Variants in ARHGEF33 observed in about 807,000 individuals in gnomAD.
ARHGEF33 encodes the protein DH and coiled-coil domain-containing protein ENSP00000381780.
Under a neutral mutation model 101.9 loss-of-function variants are expected in ARHGEF33, and 72 were observed. The observed-to-expected ratio is 0.71, with a 90% CI of 0.58 to 0.86. The LOEUF (loss-of-function observed/expected upper bound fraction) is 0.86. Ranked by LOEUF, ARHGEF33 falls within the 40% of genes least tolerant of loss-of-function variation. The probability of loss-of-function intolerance (pLI) is 0.00; values close to 1 mark genes in which losing one functional copy is unlikely to be tolerated. For missense variants in ARHGEF33, 1,169 were observed against 1,111.3 expected, an observed-to-expected ratio of 1.05 and a Z score of -0.74; for synonymous variants, 499 against 442.5, an observed-to-expected ratio of 1.13 and a Z score of -1.60.
intron 2 of ARHGEF33, among the ~76,000 whole-genome samples, chr2:38,918,259 C>T (rs1041768498): frequency 2.6e-5 from 4 of 152,206 alleles, no homozygotes; most frequent in African/African-American, 9.7e-5. Context: ...CCACTACCCT[C>T]GCTGCCACTG....
chr2:38,898,016 A>T (rs1242171562), intron 2 of ARHGEF33, among the ~76,000 whole-genome samples: 1 of 152,198 alleles, frequency 6.6e-6, no homozygotes, highest in Non-Finnish European at 1.5e-5. Flanking sequence ...TTGGGTTAGG[A>T]CATTTGAACT....
chr2:38,922,579 G>T (rs907574043), intron 4 of ARHGEF33, among the ~76,000 whole-genome samples: 1 of 152,136 alleles, frequency 6.6e-6, no homozygotes, highest in Non-Finnish European at 1.5e-5. Flanking sequence ...GGGGGAAAGG[G>T]CCTCATTTCA....
Position 38,973,936 on chromosome 2 carries a change from A to C in ARHGEF33, c.*93A>C, listed in dbSNP as rs1421553372. ...AATATATATATATATCTATATCTAT[A>C]TATATATATATATCGATGTATAAAT... On this transcript the variant is annotated 3_prime_UTR_variant, in exon 18 of 18. Coordinates refer to ENST00000409978, the MANE Select transcript of ARHGEF33 (RefSeq NM_001145451.5). The C allele has an allele frequency of 7.3e-5, 49 of 671,804 alleles. No homozygotes were observed. The highest frequency in any genetic ancestry group is 4.8e-4 in the Middle Eastern group (1 of 2,062). The allele number at this position is 671,804 out of a possible 1,614,324, so 41.6% of individuals were successfully genotyped here.
At chr2:38,938,026 G>T (rs942458640) in intron 9 of ARHGEF33, among the ~76,000 whole-genome samples, 1 of 152,102 alleles carries the variant, frequency 6.6e-6, no homozygotes, top group Non-Finnish European at 1.5e-5. Flanking sequence ...TGGCTATTTG[G>T]GGGGAGGTAA....
chr2:38,952,321 A>G (rs1001468411), intron 11 of ARHGEF33, among the ~76,000 whole-genome samples: 1 of 152,236 alleles, frequency 6.6e-6, no homozygotes, highest in African/African-American at 2.4e-5. Context: ...TGTGTTCAGT[A>G]TGCTTCCTTT....
intron 9 of ARHGEF33, among the ~76,000 whole-genome samples, chr2:38,942,520 C>A (rs1054953942): frequency 7.0e-6 from 1 of 142,730 alleles, no homozygotes; most frequent in African/African-American, 2.6e-5. Context: ...ATCTTCTACC[C>A]TTTTAATTTT....
chr2:38,902,876 A>G (rs1317594281), intron 2 of ARHGEF33, among the ~76,000 whole-genome samples: 1 of 152,150 alleles, frequency 6.6e-6, no homozygotes, highest in East Asian at 1.9e-4. Flanking sequence ...GAGATAGGGT[A>G]TAGAGGCCAG....
In ARHGEF33 at chr2:38,960,571, G is replaced by T. The variant is rs1446180877; in HGVS notation, c.2266G>T (p.Ala756Ser). 2.3e-6 allele frequency: 3 copies of T among 1,282,966 alleles called. No individual in the cohort carries two copies. The allele number at this position is 1,282,966 out of a possible 1,614,324, so 79.5% of individuals were successfully genotyped here. Residue 756 changes from alanine (A) to serine (S), a missense_variant, in exon 16 of 18, where the codon GCC becomes TCC. Transcript: ENST00000409978. ...CGGCCCGGCCGCCGCCGCCGTCGCCGCCCGCGGCGCATCCAGGACCTTCTT... is the reference window on the plus strand; with the variant it reads ...CGGCCCGGCCGCCGCCGCCGTCGCCTCCCGCGGCGCATCCAGGACCTTCTT... ...AHGPAAAAVA[A>S]RGASRTFFPQ...
At chr2:38,912,898 G>T (rs906746775) in intron 2 of ARHGEF33, among the ~76,000 whole-genome samples, 1 of 152,076 alleles carries the variant, frequency 6.6e-6, no homozygotes, top group African/African-American at 2.4e-5. Flanking sequence ...ATCAATATGA[G>T]AACTTAATTA....
At position 38,963,712 on chromosome 2, in the gene ARHGEF33, A is replaced by G. The variant is rs78325228; in HGVS notation, c.2344-2294A>G. ...AAAATATGGGGGTATTAGCAAATGC[A>G]TTGCCTGGGAACTTGTTATAGATGC... is the stretch of plus-strand genomic sequence containing the variant. On this transcript the variant is annotated intron_variant, in intron 16 of 17. Transcript: ENST00000409978. 1.4e-4 allele frequency among the ~76,000 whole-genome samples: 22 copies of G among 152,318 alleles called. No individual in the cohort carries two copies. In the East Asian group the frequency reaches 4.2e-3, roughly 29 times the overall value.
intron 6 of ARHGEF33, 135 bp from the exon 7 acceptor site, chr2:38,930,974 A>G (rs1356821251): frequency 7.9e-6 from 5 of 634,296 alleles, no homozygotes; most frequent in Non-Finnish European, 1.2e-5. Context: ...ACCACTTTTA[A>G]TTTTCAAAAA....
intron 8 of ARHGEF33, among the ~76,000 whole-genome samples, chr2:38,936,535 A>T (rs1005926032): frequency 6.6e-6 from 1 of 152,250 alleles, no homozygotes; most frequent in African/African-American, 2.4e-5. Flanking sequence ...AAAGCTCCTT[A>T]TATAGTAAAG....
At position 38,951,029 on chromosome 2, in the gene ARHGEF33, C is replaced by T. The variant is rs776050646; in HGVS notation, c.961C>T (p.Leu321=). The stretch of plus-strand genomic sequence containing the variant: ...TTTACGGTACCTCGTCCAGCAGCAC[C>T]TGGATCTGCTTCACGCACTGCAGGA... ...GSLRYLVQQH[L]DLLHALQERV... The change falls in exon 11 of 18, where the codon CTG becomes TTG. Residue 321 remains leucine, a synonymous_variant. Coordinates refer to ENST00000409978, the MANE Select transcript of ARHGEF33 (RefSeq NM_001145451.5). The T allele has an allele frequency of 7.7e-6, 12 of 1,552,200 alleles. No homozygotes were observed. The highest frequency in any genetic ancestry group is 3.3e-4 in the Middle Eastern group (2 of 5,992).
chr2:38,973,479 T>A (rs1032596818), intron 17 of ARHGEF33, among the ~76,000 whole-genome samples: 24 of 152,172 alleles, frequency 1.6e-4, no homozygotes, highest in African/African-American at 5.8e-4. Flanking sequence ...TATCTTACAC[T>A]GACATATACA....
intron 9 of ARHGEF33, among the ~76,000 whole-genome samples, chr2:38,938,698 T>C (rs1218158289): frequency 2.0e-5 from 3 of 152,190 alleles, no homozygotes; most frequent in African/African-American, 7.2e-5. Flanking sequence ...AATATTTCTG[T>C]GCATGAAAGA....
chr2:38,960,122 G>A lies in ARHGEF33; in HGVS notation c.1817G>A (p.Arg606His). Residue 606 changes from arginine to histidine, a missense_variant, in exon 16 of 18, where the codon CGC (arginine) becomes CAC (histidine). Coordinates refer to ENST00000409978, the MANE Select transcript of ARHGEF33 (RefSeq NM_001145451.5). ...CCGGCCGAGCTCCTGCCCGATGCCC[G>A]CGGCTTCGTGCCCGCGGCCTACGAA... ...RAPAELLPDA[R>H]GFVPAAYEEF... The A allele has an allele frequency of 6.5e-7, 1 of 1,542,170 alleles. No homozygotes were observed. Among genetic ancestry groups the A allele is most frequent in the Non-Finnish European group, 8.7e-7 (1 of 1,145,368 alleles).
chr2:38,947,876 G>A (rs979710701), intron 10 of ARHGEF33, among the ~76,000 whole-genome samples: 7 of 152,078 alleles, frequency 4.6e-5, no homozygotes, highest in African/African-American at 1.7e-4. Context: ...CCAGGGTGGC[G>A]GGAACCTGCT....
At position 38,959,792 on chromosome 2, in the gene ARHGEF33, C is replaced by T. The variant is rs1000903209; in HGVS notation, c.1536-49C>T. 50 of 1,480,712 alleles carry T rather than the reference C, an allele frequency of 3.4e-5. No individual in the cohort carries two copies. In the African/African-American group the frequency reaches 6.5e-4, roughly 19 times the overall value. 91.7% of individuals were successfully genotyped at this position (1,480,712 alleles called of 1,614,324 possible). On this transcript the variant is annotated intron_variant, in intron 15 of 17. Transcript: ENST00000409978. ...GGCGCCGGCAGGCGAGAGGCCTGCA[C>T]TAACCGGCCGTAAGCACAGCTCTTT...
At chr2:38,967,221 C>G (rs1013427028) in intron 17 of ARHGEF33, among the ~76,000 whole-genome samples, 4 of 152,176 alleles carry the variant, frequency 2.6e-5, no homozygotes, top group Non-Finnish European at 4.4e-5. Flanking sequence ...GCTGGTTTGT[C>G]TAATTGTAAT....
Sources: allele counts gnomAD v4.1 joint callset (sites outside exome capture counted in the v4.1 genomes callset), GRCh38; gene constraint gnomAD v4.1.1; transcripts MANE v1.5; gene names NCBI Gene and HGNC (gene_info 2026-07-23, HGNC 2026-07-21).